Variants in TCF7L2 observed in about 807,000 individuals in gnomAD.
The protein encoded by TCF7L2 is transcription factor 7-like 2.
A neutral mutation model predicts 77.9 loss-of-function variants in TCF7L2; 23 were observed. That is an observed-to-expected ratio of 0.30 (90% CI 0.21 to 0.42). The LOEUF is 0.42. Among genes scored for constraint, TCF7L2 ranks in the 10% least tolerant of loss-of-function variants. The pLI, the probability that TCF7L2 is intolerant of heterozygous loss-of-function variation, is 1.00. For synonymous variants in TCF7L2, 413 were observed against 340.2 expected, an observed-to-expected ratio of 1.21 and a Z score of -2.36; for missense variants, 654 against 793.1, an observed-to-expected ratio of 0.82 and a Z score of 2.11.
At chr10:113,116,238 T>C (rs2063720686) in intron 5 of TCF7L2, among the ~76,000 whole-genome samples, 1 of 152,360 alleles carries the variant, frequency 6.6e-6, no homozygotes, top group East Asian at 1.9e-4. Context: ...TATGTTCTTA[T>C]ATTTGCCAGT....
chr10:113,073,810 G>A (rs974837032), intron 5 of TCF7L2, among the ~76,000 whole-genome samples: 5 of 152,126 alleles, frequency 3.3e-5, no homozygotes, highest in Non-Finnish European at 5.9e-5. Flanking sequence ...TCACCACACC[G>A]GACTGCCTGG....
intron 4 of TCF7L2, among the ~76,000 whole-genome samples, chr10:113,007,477 T>G (rs543243570): frequency 6.6e-6 from 1 of 152,298 alleles, no homozygotes; most frequent in Admixed American, 6.5e-5. Flanking sequence ...ATCTTTTGCT[T>G]TGGAGGTAAC....
intron 5 of TCF7L2, among the ~76,000 whole-genome samples, chr10:113,085,573 G>A (rs1455957383): frequency 1.3e-5 from 2 of 152,142 alleles, no homozygotes; most frequent in Admixed American, 1.3e-4. Flanking sequence ...TGTGGAGTGG[G>A]GCAGTAAGCT....
chr10:113,100,013 CCT>C (rs894234241), intron 5 of TCF7L2, among the ~76,000 whole-genome samples: 1 of 152,174 alleles, frequency 6.6e-6, no homozygotes, highest in Non-Finnish European at 1.5e-5. Context: ...ACTCCCTCTA[CCT>C]CTCTCTTAGC....
intron 12 of TCF7L2, among the ~76,000 whole-genome samples, chr10:113,159,423 GT>G (rs1257767896): frequency 6.6e-6 from 1 of 151,374 alleles, no homozygotes; most frequent in Non-Finnish European, 1.5e-5. Context: ...GTTTTGTTCT[GT>G]TTTTATTTGT....
intron 12 of TCF7L2, 89 bp downstream of exon 14, chr10:113,160,081 C>A: frequency 1.7e-6 from 2 of 1,195,152 alleles, no homozygotes; most frequent in Non-Finnish European, 2.4e-6. Context: ...CTTTGTAGCT[C>A]TGTGTGTGGA....
At chr10:113,053,557 C>G (rs2054833981) in intron 5 of TCF7L2, among the ~76,000 whole-genome samples, 1 of 152,138 alleles carries the variant, frequency 6.6e-6, no homozygotes, top group East Asian at 1.9e-4. Context: ...TTTGGTTCTG[C>G]CTGATGCTAG....
chr10:113,132,498 A>G (rs1038509872), intron 5 of TCF7L2, among the ~76,000 whole-genome samples: 4 of 152,194 alleles, frequency 2.6e-5, no homozygotes, highest in Non-Finnish European at 5.9e-5. Flanking sequence ...TTTCCTTTCC[A>G]TTATATTTAG....
At chr10:112,957,258 T>C (rs1452925984) in intron 3 of TCF7L2, among the ~76,000 whole-genome samples, 1 of 140,100 alleles carries the variant, frequency 7.1e-6, no homozygotes, top group South Asian at 2.4e-4. Flanking sequence ...CCAGGAATAC[T>C]TAAAGAAACC....
intron 4 of TCF7L2, among the ~76,000 whole-genome samples, chr10:113,013,187 C>T (rs902498777): frequency 2.1e-5 from 3 of 142,978 alleles, no homozygotes; most frequent in African/African-American, 5.2e-5. Context: ...GGCGTGATCT[C>T]AGCTCACTGC....
At chr10:113,124,557 T>C (rs1356262407) in intron 5 of TCF7L2, among the ~76,000 whole-genome samples, 1 of 152,130 alleles carries the variant, frequency 6.6e-6, no homozygotes, top group Non-Finnish European at 1.5e-5. Flanking sequence ...GAAATCGCCG[T>C]ATATATCTAT....
At chr10:113,072,149 G>A (rs1180215810) in intron 5 of TCF7L2, among the ~76,000 whole-genome samples, 1 of 151,326 alleles carries the variant, frequency 6.6e-6, no homozygotes, top group African/African-American at 2.4e-5. Context: ...TCTGCCTCCT[G>A]GATTCACACC....
intron 5 of TCF7L2, among the ~76,000 whole-genome samples, chr10:113,084,761 G>A (rs551734136): frequency 4.3e-4 from 65 of 152,118 alleles, no homozygotes; most frequent in African/African-American, 1.6e-3. Flanking sequence ...AGCCGGGAGT[G>A]GTGTTGTGCA....
At chr10:112,966,654 C>T (rs1412594310) in intron 4 of TCF7L2, among the ~76,000 whole-genome samples, 1 of 152,208 alleles carries the variant, frequency 6.6e-6, no homozygotes, top group Non-Finnish European at 1.5e-5. Context: ...GGCCATGTCA[C>T]TGGGAGACTA....
chr10:113,055,630 A>G (rs2055245041), intron 5 of TCF7L2, among the ~76,000 whole-genome samples: 1 of 152,188 alleles, frequency 6.6e-6, no homozygotes, highest in African/African-American at 2.4e-5. Flanking sequence ...TGCAGTGGCT[A>G]TTCACAGGAA....
intron 3 of TCF7L2, among the ~76,000 whole-genome samples, chr10:112,961,084 G>T (rs562531164): frequency 6.6e-6 from 1 of 151,538 alleles, no homozygotes; most frequent in African/African-American, 2.4e-5. Flanking sequence ...CCTAGATCTC[G>T]CTCACCGCAA....
chr10:113,130,162 CT>C (rs1285942117), intron 5 of TCF7L2, among the ~76,000 whole-genome samples: 1 of 151,992 alleles, frequency 6.6e-6, no homozygotes, highest in Admixed American at 6.6e-5. Context: ...TCTTTGAGTC[CT>C]TTTCACAGCA....
intron 5 of TCF7L2, among the ~76,000 whole-genome samples, chr10:113,096,612 G>A (rs980544363): frequency 2.0e-5 from 3 of 152,050 alleles, no homozygotes; most frequent in East Asian, 1.9e-4. Context: ...CGCCATAGGA[G>A]GCCAGATTTG....
intron 5 of TCF7L2, among the ~76,000 whole-genome samples, chr10:113,071,849 C>T (rs1433735511): frequency 1.3e-5 from 2 of 152,150 alleles, no homozygotes; most frequent in Non-Finnish European, 2.9e-5. Context: ...AGGACTCCCC[C>T]CCACCCCCCA....
Sources: gnomAD v4.1 joint callset for allele counts (sites outside exome capture counted in the v4.1 genomes callset) on GRCh38, gnomAD v4.1.1 for gene constraint, MANE v1.5 for transcripts, NCBI Gene and HGNC (gene_info 2026-07-23, HGNC 2026-07-21) for gene names.